Variants in LCORL observed in about 807,000 individuals in gnomAD.
The protein encoded by LCORL is ligand dependent nuclear receptor corepressor like, also known as ligand-dependent nuclear receptor corepressor-like protein.
In LCORL, 41 loss-of-function variants were observed where a neutral mutation model predicts 141.8. That is an observed-to-expected ratio of 0.29 (90% confidence interval 0.23 to 0.38). The LOEUF (loss-of-function observed/expected upper bound fraction) is 0.38, where lower values mean the gene tolerates loss of function less well. LCORL is among the 10% of genes least tolerant of loss of function. LCORL has a pLI of 1.00. For synonymous variants in LCORL, 618 were observed against 694.1 expected (o/e 0.89, Z 1.72); for missense variants, 1,759 against 2,035.0 (o/e 0.86, Z 2.61).
chr4:17,981,889 T>C (rs1292370479), intron 1 of LCORL, among the ~76,000 whole-genome samples: 1 of 152,112 alleles, frequency 6.6e-6, no homozygotes, highest in East Asian at 1.9e-4. Flanking sequence ...CTGATCCTCT[T>C]GCTCCTTACA....
exon 7 of LCORL, chr4:17,875,692 G>A (rs893883151): frequency 1.7e-5 from 21 of 1,231,184 alleles, no homozygotes; most frequent in Non-Finnish European, 1.8e-5. Context: ...TTAGGCTTTG[G>A]TGGTCTTCCA....
chr4:17,926,341 C>T (rs911723019), intron 4 of LCORL, among the ~76,000 whole-genome samples: 1 of 152,300 alleles, frequency 6.6e-6, no homozygotes, highest in African/African-American at 2.4e-5. Flanking sequence ...GCTGCCAGCT[C>T]GGCTACGATA....
chr4:17,844,982 T>G (rs1252342116), exon 8 of LCORL: 1 of 152,054 alleles, frequency 6.6e-6, no homozygotes, highest in Non-Finnish European at 1.5e-5. Flanking sequence ...CCCTTTAACT[T>G]TAAAATAAAA....
intron 5 of LCORL, among the ~76,000 whole-genome samples, chr4:17,904,931 A>T (rs1731383983): frequency 1.3e-5 from 2 of 152,116 alleles, no homozygotes; most frequent in Non-Finnish European, 2.9e-5. Context: ...AATGACACTG[A>T]ATCTGTAAGC....
At chr4:18,004,305 T>C (rs1722443828) in intron 1 of LCORL, among the ~76,000 whole-genome samples, 1 of 152,148 alleles carries the variant, frequency 6.6e-6, no homozygotes, top group Non-Finnish European at 1.5e-5. Flanking sequence ...CAAAGACATA[T>C]CCAAGACTGG....
At chr4:17,982,114 G>A (rs897229312) in intron 1 of LCORL, among the ~76,000 whole-genome samples, 1 of 146,304 alleles carries the variant, frequency 6.8e-6, no homozygotes, top group Non-Finnish European at 1.5e-5. Flanking sequence ...GTGTGTGTGT[G>A]TGTGTGTGTG....
intron 2 of LCORL, among the ~76,000 whole-genome samples, chr4:17,972,257 T>C (rs1716115060): frequency 6.6e-6 from 1 of 151,802 alleles, no homozygotes; most frequent in Non-Finnish European, 1.5e-5. Context: ...CAACTCTAGC[T>C]CTTCAGATAT....
intron 7 of LCORL, among the ~76,000 whole-genome samples, chr4:17,849,886 C>T (rs1324018919): frequency 6.6e-6 from 1 of 151,818 alleles, no homozygotes; most frequent in Admixed American, 6.6e-5. Flanking sequence ...AATTATACTG[C>T]AAGGCTACAG....
intron 4 of LCORL, among the ~76,000 whole-genome samples, chr4:17,925,599 C>T (rs374071859): frequency 3.3e-5 from 5 of 152,190 alleles, no homozygotes; most frequent in African/African-American, 7.2e-5. Flanking sequence ...TGGCTGGGTG[C>T]GGTTGCTCAT....
At chr4:17,999,346 C>T (rs1275316039) in intron 1 of LCORL, among the ~76,000 whole-genome samples, 2 of 151,334 alleles carry the variant, frequency 1.3e-5, no homozygotes, top group Non-Finnish European at 2.9e-5. Context: ...CCCAGCTACT[C>T]GGGAGGCTGA....
At chr4:17,931,266 G>A (rs947263895) in intron 4 of LCORL, among the ~76,000 whole-genome samples, 7 of 151,928 alleles carry the variant, frequency 4.6e-5, no homozygotes, top group African/African-American at 1.7e-4. Flanking sequence ...CTTTTTCAAA[G>A]AATCAGTATT....
chr4:17,861,386 C>T (rs1308234103), intron 7 of LCORL, among the ~76,000 whole-genome samples: 1 of 152,206 alleles, frequency 6.6e-6, no homozygotes, highest in Non-Finnish European at 1.5e-5. Context: ...AGCCGTACCT[C>T]GGCCCCTTTT....
chr4:17,873,529 T>C lies in LCORL; in HGVS notation c.5461A>G (p.Asn1821Asp). The change falls in exon 7 of 8, where the codon AAT becomes GAT. Residue 1821 changes from asparagine (N) to aspartate (D), a missense_variant. Physicochemically the swap from Asn to Asp is conservative, Grantham distance 23. Transcript: ENST00000635767. ...CTAAGAACTTCAAAACTATCAGGAT[T>C]CTTGTCAAAGTTAACACATTTGCTT... 3 of 1,234,010 alleles carry C rather than the reference T, an allele frequency of 2.4e-6. No homozygotes were observed. The South Asian group carries it at 1.2e-4, about 51-fold the overall frequency. 76.4% of individuals were successfully genotyped at this position (1,234,010 alleles called of 1,614,324 possible).
intron 2 of LCORL, among the ~76,000 whole-genome samples, chr4:17,968,458 G>C (rs1262385428): frequency 1.3e-5 from 2 of 152,056 alleles, no homozygotes; most frequent in Non-Finnish European, 2.9e-5. Flanking sequence ...CAGCATCTAA[G>C]ACAAAATAAG....
At position 17,867,092 on chromosome 4, in the gene LCORL, C is replaced by T. The variant is rs140013057; in HGVS notation, c.5602+6296G>A. ...GGTGTTCATGGCTCCCCCAGCACCA[C>T]TCTGCTGGATAAAGACAGATATTGA... On this transcript the variant is annotated intron_variant, in intron 7 of 7. Transcript: ENST00000635767. The T allele has an allele frequency of 1.5e-3, 599 of 397,942 alleles. 1 individual carries two copies. Among genetic ancestry groups the T allele is most frequent in the Admixed American group, 2.1e-3 (33 of 15,570 alleles). The allele number at this position is 397,942 out of a possible 1,614,324, so 24.7% of individuals were successfully genotyped here.
chr4:17,998,079 G>A (rs141820847), intron 1 of LCORL, among the ~76,000 whole-genome samples: 1 of 152,216 alleles, frequency 6.6e-6, no homozygotes, highest in African/African-American at 2.4e-5. Context: ...ACTGAATACT[G>A]TAGGCAATTG....
At chr4:17,967,578 T>C (rs144190566) in intron 2 of LCORL, among the ~76,000 whole-genome samples, 1 of 152,312 alleles carries the variant, frequency 6.6e-6, no homozygotes, top group East Asian at 1.9e-4. Flanking sequence ...TAAAATCATA[T>C]TATACCTTTA....
intron 1 of LCORL, among the ~76,000 whole-genome samples, chr4:17,976,675 T>C (rs918326868): frequency 1.3e-5 from 2 of 152,194 alleles, no homozygotes; most frequent in Non-Finnish European, 2.9e-5. Context: ...AAAGATCTAC[T>C]AGCTACCATT....
Position 17,897,219 on chromosome 4 carries a change from T to C in LCORL, c.683-11058A>G, listed in dbSNP as rs1458777099. Among the ~76,000 whole-genome samples the C allele has an allele frequency of 2.6e-4, 25 of 95,558 alleles. 5 individuals are homozygous for C. The highest frequency in any genetic ancestry group is 1.3e-3 in the African/African-American group (19 of 14,422). 62.7% of individuals were successfully genotyped at this position (95,558 alleles called of 152,430 possible). A position where few individuals can be genotyped will look rare whatever the true frequency, so the allele number is the denominator to read the frequency against. ...CTCTTTGATATACTGATTTCTTTTT[T>C]TTTTTTTTTTTTTTTTTTTTTTTTT... is the stretch of plus-strand genomic sequence containing the variant. On this transcript the variant is annotated intron_variant, in intron 5 of 7. Transcript: ENST00000635767.
Sources: gnomAD v4.1 joint callset for allele counts (sites outside exome capture counted in the v4.1 genomes callset) on GRCh38, gnomAD v4.1.1 for gene constraint, MANE v1.5 for transcripts, NCBI Gene and HGNC (gene_info 2026-07-23, HGNC 2026-07-21) for gene names.